PCDHGB2: variants seen among roughly 807,000 people sequenced by gnomAD.
PCDHGB2 encodes protocadherin gamma-B2.
Under a neutral mutation model 59.3 loss-of-function variants are expected in PCDHGB2, and 55 were observed. The ratio of observed to expected loss-of-function variants is 0.93; its 90% CI spans 0.75 to 1.16. PCDHGB2 has a LOEUF of 1.16. PCDHGB2 is among the 50% of genes most tolerant of loss of function. PCDHGB2 has a pLI of 0.00. For missense variants in PCDHGB2, 1,228 were observed against 1,198.5 expected (o/e 1.02, Z -0.36); for synonymous variants, 516 against 512.0 (o/e 1.01, Z -0.11).
At chr5:141,434,952 C>T (rs1362599956) in intron 1 of PCDHGB2, among the ~76,000 whole-genome samples, 2 of 151,756 alleles carry the variant, frequency 1.3e-5, no homozygotes, top group East Asian at 3.9e-4. Flanking sequence ...AATTTATTAA[C>T]AATTTATAAA....
At chr5:141,436,173 A>T (rs556225963) in intron 1 of PCDHGB2, among the ~76,000 whole-genome samples, 1 of 152,302 alleles carries the variant, frequency 6.6e-6, no homozygotes, top group East Asian at 1.9e-4. Context: ...GACAGTTCTC[A>T]TATATAGTCA....
At chr5:141,397,960 A>C in intron 1 of PCDHGB2, 2 of 1,021,904 alleles carry the variant, frequency 2.0e-6, no homozygotes, top group East Asian at 2.6e-5. Context: ...GCCCCAGCTC[A>C]GACTCCCCAG....
intron 1 of PCDHGB2, chr5:141,478,198 A>G (rs1393603398): frequency 6.2e-7 from 1 of 1,613,864 alleles, no homozygotes; most frequent in East Asian, 2.2e-5. Flanking sequence ...CCTTTTATCT[A>G]CTTCTTTCTC....
chr5:141,403,415 C>A, intron 1 of PCDHGB2: 1 of 1,614,046 alleles, frequency 6.2e-7, no homozygotes, highest in East Asian at 2.2e-5. Context: ...TTATCCACTT[C>A]CAGAAGCTAT....
rs1054850118 is a variant in PCDHGB2, at chr5:141,366,673, T to C, written c.2421+4117T>C. The C allele has an allele frequency of 6.2e-6, 10 of 1,614,120 alleles. No homozygotes were observed. The African/African-American group carries it at 1.3e-4, about 22-fold the overall frequency. The stretch of plus-strand genomic sequence containing the variant: ...CCAACTACGCAGACACGCTCCTTAG[T>C]GAAGAGAGCTGTGAGAAAAGCGAGC... On this transcript the variant is annotated intron_variant, in intron 1 of 3. Transcript: ENST00000522605.
chr5:141,504,158 T>G (rs890874880), intron 2 of PCDHGB2, among the ~76,000 whole-genome samples: 1 of 152,222 alleles, frequency 6.6e-6, no homozygotes, highest in Non-Finnish European at 1.5e-5. Context: ...TGAAATAATT[T>G]CATCCTTGGA....
chr5:141,364,567 G>C, intron 1 of PCDHGB2: 1 of 1,614,130 alleles, frequency 6.2e-7, no homozygotes, highest in Non-Finnish European at 8.5e-7. Flanking sequence ...CCCTGAACCC[G>C]CGAAGCGGCA....
chr5:141,372,280 C>A, intron 1 of PCDHGB2: 2 of 1,613,164 alleles, frequency 1.2e-6, no homozygotes, highest in Non-Finnish European at 1.7e-6. Flanking sequence ...GTGCGCACGG[C>A]GCGTACCTTG....
chr5:141,399,682 G>A (rs778817737), intron 1 of PCDHGB2: 14 of 1,613,512 alleles, frequency 8.7e-6, no homozygotes, highest in Non-Finnish European at 1.2e-5. Flanking sequence ...CTTTGACTAC[G>A]AGCAGCTGCG....
chr5:141,375,109 T>G (rs199796645), intron 1 of PCDHGB2: 1 of 1,613,952 alleles, frequency 6.2e-7, no homozygotes, highest in Middle Eastern at 1.6e-4. Flanking sequence ...ATGTCAATGA[T>G]AATGTACCAG....
In PCDHGB2 at chr5:141,400,641, G is replaced by C. The variant is rs1427284697; in HGVS notation, c.2421+38085G>C. On this transcript the variant is annotated intron_variant, in intron 1 of 3. Coordinates refer to ENST00000522605, the MANE Select transcript of PCDHGB2 (RefSeq NM_018923.3). ...GTCTTAGGGAAGTCAGAGCTGCTCA[G>C]AAAGCTGTCCTACCATTCTTTAAGA... The C allele has an allele frequency of 9.3e-6, 12 of 1,288,952 alleles. No homozygotes were observed. The East Asian group carries it at 2.8e-4, about 30-fold the overall frequency. 79.8% of individuals were successfully genotyped at this position (1,288,952 alleles called of 1,614,324 possible). A position where few individuals can be genotyped will look rare whatever the true frequency, so the allele number is the denominator to read the frequency against.
At chr5:141,376,226 A>G in intron 1 of PCDHGB2, 2 of 1,614,202 alleles carry the variant, frequency 1.2e-6, no homozygotes, top group Non-Finnish European at 1.7e-6. Flanking sequence ...GCTGGCGCTC[A>G]GACTGCAGCG....
rs1224515106 is a variant in PCDHGB2 at position 141,491,453 on chromosome 5, C to T, written c.2422-3354C>T. On this transcript the variant is annotated intron_variant, in intron 1 of 3. Transcript: ENST00000522605. The surrounding 1 kb of genome is among the most constrained non-coding windows in gnomAD (Gnocchi z 6.9). ...TGCTGCAGGCGCCAGGACTCACCCT[C>T]CCCGGACTTCTATAAGCAGTCCAGC... The T allele has an allele frequency of 6.2e-6, 10 of 1,614,120 alleles. No homozygotes were observed. The highest frequency in any genetic ancestry group is 8.5e-6 in the Non-Finnish European group (10 of 1,180,028).
At position 141,404,066 on chromosome 5, in the gene PCDHGB2, C is replaced by G. The variant is rs745515085; in HGVS notation, c.2421+41510C>G. The G allele has an allele frequency of 3.1e-6, 5 of 1,613,776 alleles. No individual in the cohort carries two copies. The East Asian group carries it at 8.9e-5, about 29-fold the overall frequency. On this transcript the variant is annotated intron_variant, in intron 1 of 3. Transcript: ENST00000522605. ...AACAGTAATTCTTCTTTTCAATGCT[C>G]ATGACCGAGACTCCGGGAAGAATGG...
At chr5:141,390,887 T>TGTGA (rs553460991) in intron 1 of PCDHGB2, 1,524 of 151,180 alleles carry the variant, frequency 0.01, 16 homozygotes, top group Non-Finnish European at 0.015. Flanking sequence ...TGTGTGTGTG[T>TGTGA]GAGAGAGATC....
intron 1 of PCDHGB2, chr5:141,374,052 T>C (rs1770060748): frequency 1.4e-6 from 2 of 1,478,038 alleles, no homozygotes; most frequent in Non-Finnish European, 9.0e-7. Flanking sequence ...CTTCCTCTTC[T>C]TAATCCCAGA....
intron 1 of PCDHGB2, chr5:141,478,091 A>G: frequency 6.2e-7 from 1 of 1,613,972 alleles, no homozygotes; most frequent in African/African-American, 1.3e-5. Flanking sequence ...GCTCTCCACC[A>G]CTGCTACCCT....
chr5:141,508,741 C>G (rs2099871426), intron 3 of PCDHGB2, among the ~76,000 whole-genome samples: 1 of 152,042 alleles, frequency 6.6e-6, no homozygotes, highest in Non-Finnish European at 1.5e-5. Context: ...ACCCCCCACC[C>G]CGCTCTTTCT....
At position 141,362,455 on chromosome 5, in the gene PCDHGB2, T is replaced by C. The variant is rs1762512121; in HGVS notation, c.2320T>C (p.Leu774=). ...EFNFLNITPE[L]VPAQDLVCDN... ...CAATTTTCTGAACATAACCCCGGAA[T>C]TGGTTCCCGCGCAAGATCTCGTCTG... Residue 774 remains leucine (L), a synonymous_variant, in exon 1 of 4, where the codon TTG becomes CTG. Transcript: ENST00000522605. 6.2e-7 allele frequency: 1 copy of C among 1,614,010 alleles called. No individual in the cohort carries two copies. The highest frequency in any genetic ancestry group is 8.5e-7 in the Non-Finnish European group (1 of 1,179,890).
Sources: allele counts gnomAD v4.1 joint callset (sites outside exome capture counted in the v4.1 genomes callset), GRCh38; gene constraint gnomAD v4.1.1; non-coding constraint Gnocchi (gnomAD v3.1); transcripts MANE v1.5; gene names NCBI Gene and HGNC (gene_info 2026-07-23, HGNC 2026-07-21).